Variants in CAMTA1 observed in about 807,000 individuals in gnomAD.
CAMTA1 encodes calmodulin binding transcription activator 1, also known as calmodulin-binding transcription activator 1.
Under a neutral mutation model 170.9 loss-of-function variants are expected in CAMTA1, and 27 were observed. That is an observed-to-expected ratio of 0.16 (90% CI 0.12 to 0.22). CAMTA1 has a LOEUF of 0.22. CAMTA1 is among the 10% of genes least tolerant of loss of function. The probability of loss-of-function intolerance (pLI) is 1.00; values close to 1 mark genes in which losing one functional copy is unlikely to be tolerated. For synonymous variants in CAMTA1, 833 were observed against 891.5 expected, an observed-to-expected ratio of 0.93 and a Z score of 1.17; for missense variants, 1,619 against 2,217.2, an observed-to-expected ratio of 0.73 and a Z score of 5.42.
rs2082758043 is a variant in CAMTA1 at position 7,327,427 on chromosome 1, A to G, written c.438+77801A>G. On this transcript the variant is annotated intron_variant, in intron 5 of 22. Transcript: ENST00000303635. ...ATCTCAAAAAAAAAAAAAAAAAAAG[A>G]AAAAAGACCAGGAGGAAAGAAATGG... is the stretch of plus-strand genomic sequence containing the variant. Among the ~76,000 whole-genome samples, 5 of 147,368 alleles carry G rather than the reference A, an allele frequency of 3.4e-5. No homozygotes were observed. In the South Asian group the frequency reaches 1.1e-3, roughly 31 times the overall value.
chr1:7,766,214 A>G (rs556052575), intron 22 of CAMTA1, among the ~76,000 whole-genome samples: 1 of 152,118 alleles, frequency 6.6e-6, no homozygotes, highest in South Asian at 2.1e-4. Context: ...ATTTTGCTCT[A>G]TTCTTAGAGC....
At chr1:6,990,882 C>T (rs901501130) in intron 3 of CAMTA1, among the ~76,000 whole-genome samples, 1 of 150,916 alleles carries the variant, frequency 6.6e-6, no homozygotes, top group Non-Finnish European at 1.5e-5. Flanking sequence ...CAAGTGGTTT[C>T]AAGTGGTTTT....
chr1:7,766,042 A>T (rs35147807), intron 22 of CAMTA1, among the ~76,000 whole-genome samples: 20,304 of 73,364 alleles, frequency 0.28, 1,818 homozygotes, highest in East Asian at 0.51. Context: ...AAAAAAAAAA[A>T]AAACTAAATA....
Position 7,091,696 on chromosome 1 carries a change from T to C in CAMTA1, c.302+325T>C, listed in dbSNP as rs148207779. Among the ~76,000 whole-genome samples the C allele has an allele frequency of 2.1e-3, 319 of 152,344 alleles. 1 individual carries two copies. Among genetic ancestry groups the C allele is most frequent in the African/African-American group, 7.1e-3 (297 of 41,590 alleles). ...TGGGAAATTGCTCGCCTGCCACTAG[T>C]GTTCTCTAGAAACGTGCTTTGAAAA... On this transcript the variant is annotated intron_variant, in intron 4 of 22. Transcript: ENST00000303635.
intron 3 of CAMTA1, among the ~76,000 whole-genome samples, chr1:6,900,549 T>C (rs1163528641): frequency 6.6e-6 from 1 of 151,902 alleles, no homozygotes; most frequent in Non-Finnish European, 1.5e-5. Flanking sequence ...ACCCATGGAA[T>C]CTATATAAAA....
At chr1:7,734,295 A>G (rs1577279367) in intron 12 of CAMTA1, among the ~76,000 whole-genome samples, 2 of 152,310 alleles carry the variant, frequency 1.3e-5, no homozygotes, top group East Asian at 3.9e-4. Context: ...AATTTACCTC[A>G]TGGCTCACAT....
In CAMTA1 at chr1:7,372,763, A is replaced by C. The variant is rs576894897; in HGVS notation, c.439-95067A>C. 7.9e-5 allele frequency among the ~76,000 whole-genome samples: 12 copies of C among 152,366 alleles called. No individual in the cohort carries two copies. In the South Asian group the frequency reaches 2.5e-3, roughly 32 times the overall value. Reference sequence around the variant, plus strand: ...ACCCTGTCGCACAGAAGTGATGCACAGAGAGATGAGACACGTGGCTTCCGG... The same window carrying C: ...ACCCTGTCGCACAGAAGTGATGCACCGAGAGATGAGACACGTGGCTTCCGG... On this transcript the variant is annotated intron_variant, in intron 5 of 22. Coordinates refer to ENST00000303635, the MANE Select transcript of CAMTA1 (RefSeq NM_015215.4).
intron 4 of CAMTA1, among the ~76,000 whole-genome samples, chr1:7,141,762 T>G (rs973777052): frequency 2.0e-5 from 3 of 152,222 alleles, no homozygotes; most frequent in Admixed American, 6.5e-5. Context: ...CCTGGTAGGT[T>G]CTTTTAAGTA....
intron 5 of CAMTA1, among the ~76,000 whole-genome samples, chr1:7,263,176 C>T (rs1481112517): frequency 6.6e-6 from 1 of 151,866 alleles, no homozygotes; most frequent in Admixed American, 6.6e-5. Flanking sequence ...ATAGTAACTT[C>T]GTCTATAACT....
At chr1:7,317,504 C>T (rs1677702344) in intron 5 of CAMTA1, among the ~76,000 whole-genome samples, 1 of 152,244 alleles carries the variant, frequency 6.6e-6, no homozygotes, top group African/African-American at 2.4e-5. Flanking sequence ...GTAAACACTG[C>T]TTACAAGTTT....
intron 3 of CAMTA1, among the ~76,000 whole-genome samples, chr1:6,864,348 C>T (rs141678209): frequency 2.0e-5 from 3 of 152,348 alleles, no homozygotes; most frequent in African/African-American, 7.2e-5. Context: ...TCTTCTGACT[C>T]ATGCCCTGCT....
intron 3 of CAMTA1, among the ~76,000 whole-genome samples, chr1:6,963,717 G>T (rs991096543): frequency 6.6e-6 from 1 of 152,196 alleles, no homozygotes; most frequent in East Asian, 1.9e-4. Flanking sequence ...ACCTGGCTGG[G>T]GGGGCGCGCT....
Position 7,200,622 on chromosome 1 carries a change from G to A in CAMTA1, c.303-48869G>A, listed in dbSNP as rs1217043143. 2.6e-5 allele frequency among the ~76,000 whole-genome samples: 4 copies of A among 152,136 alleles called. No individual in the cohort carries two copies. In the East Asian group the frequency reaches 7.7e-4, roughly 29 times the overall value. On this transcript the variant is annotated intron_variant, in intron 4 of 22. Transcript: ENST00000303635. ...GCAGCATGTCCCTCAGTTCTGGTTT[G>A]TCTGAGGTTCCGCATAGATTAGATT...
At chr1:7,244,334 G>C (rs1036736239) in intron 4 of CAMTA1, among the ~76,000 whole-genome samples, 2 of 152,186 alleles carry the variant, frequency 1.3e-5, no homozygotes, top group South Asian at 4.1e-4. Context: ...TCGGTGTGGC[G>C]ATTCCTCAGG....
rs185510271 is a variant in CAMTA1 at position 7,354,316 on chromosome 1, T to A, written c.438+104690T>A. On this transcript the variant is annotated intron_variant, in intron 5 of 22. Transcript: ENST00000303635. Reference sequence around the variant, plus strand: ...GGCGCCTGCCACCGCGCCCGGCTAATTTTTTTGTGTTTTTAGTAGAGATGG... The same window carrying A: ...GGCGCCTGCCACCGCGCCCGGCTAAATTTTTTGTGTTTTTAGTAGAGATGG... 1.9e-3 allele frequency among the ~76,000 whole-genome samples: 282 copies of A among 151,094 alleles called. 1 individual carries two copies. Among genetic ancestry groups the A allele is most frequent in the African/African-American group, 6.4e-3 (261 of 41,042 alleles).
chr1:7,203,197 T>C (rs557682519), intron 4 of CAMTA1, among the ~76,000 whole-genome samples: 1 of 152,348 alleles, frequency 6.6e-6, no homozygotes, highest in Non-Finnish European at 1.5e-5. Flanking sequence ...GGGATAAGTC[T>C]TACTTGGTCA....
rs1436192966 is a variant in CAMTA1 at position 7,579,552 on chromosome 1, C to CTTTCTTTCTTTTTTTTTTTTTTTTTT, written c.511-60845_511-60844insCTTTCTTTTTTTTTTTTTTTTTTTTT. Among the ~76,000 whole-genome samples, 2 of 79,196 alleles carry CTTTCTTTCTTTTTTTTTTTTTTTTTT rather than the reference C, an allele frequency of 2.5e-5. 1 individual carries two copies. Among genetic ancestry groups the CTTTCTTTCTTTTTTTTTTTTTTTTTT allele is most frequent in the African/African-American group, 1.2e-4 (2 of 16,966 alleles). 52.0% of individuals were successfully genotyped at this position (79,196 alleles called of 152,430 possible). A position where few individuals can be genotyped will look rare whatever the true frequency, so the allele number is the denominator to read the frequency against. On this transcript the variant is annotated intron_variant, in intron 6 of 22. Transcript: ENST00000303635. Reference sequence around the variant, plus strand: ...GGTCCACTTTCTTTTCTTTTCTTTTCTTTTTTTTTTTTTTTTTTTTTTTTT... The same window carrying CTTTCTTTCTTTTTTTTTTTTTTTTTT: ...GGTCCACTTTCTTTTCTTTTCTTTTCTTTCTTTCTTTTTTTTTTTTTTTTTTTTTTTTTTTTTTTTTTTTTTTTTTT...
intron 4 of CAMTA1, among the ~76,000 whole-genome samples, chr1:7,143,340 A>G (rs1454404153): frequency 1.3e-5 from 2 of 152,210 alleles, no homozygotes; most frequent in Non-Finnish European, 2.9e-5. Context: ...ATCCTCAAGT[A>G]TTAGTCACTG....
chr1:7,414,029 C>T (rs1382293204), intron 5 of CAMTA1, among the ~76,000 whole-genome samples: 1 of 152,090 alleles, frequency 6.6e-6, no homozygotes, highest in Non-Finnish European at 1.5e-5. Context: ...TGGTTTTTGT[C>T]TTTGGTTCTG....
Sources: allele counts gnomAD v4.1 joint callset (sites outside exome capture counted in the v4.1 genomes callset), GRCh38; gene constraint gnomAD v4.1.1; transcripts MANE v1.5; gene names NCBI Gene and HGNC (gene_info 2026-07-23, HGNC 2026-07-21).